The following KCNIP4 variants were observed in gnomAD, a reference collection of about 807,000 sequenced individuals.
KCNIP4 encodes the protein potassium voltage-gated channel interacting protein 4.
A neutral mutation model predicts 34.0 loss-of-function variants in KCNIP4; 12 were observed. That is an observed-to-expected ratio of 0.35 (90% CI 0.23 to 0.57). The LOEUF is 0.57. Among genes scored for constraint, KCNIP4 ranks in the 20% least tolerant of loss-of-function variants. The pLI is 0.83. For synonymous variants in KCNIP4, 124 were observed against 102.2 expected, an observed-to-expected ratio of 1.21 and a Z score of -1.29; for missense variants, 238 against 311.7, an observed-to-expected ratio of 0.76 and a Z score of 1.78.
intron 1 of KCNIP4, among the ~76,000 whole-genome samples, chr4:21,529,296 G>A (rs1480405964): frequency 6.6e-6 from 1 of 152,102 alleles, no homozygotes; most frequent in Non-Finnish European, 1.5e-5. Context: ...TGCAGAAGAG[G>A]AGAAAGGGTG....
Position 21,405,593 on chromosome 4 carries a change from T to C in KCNIP4, c.62-522884A>G, listed in dbSNP as rs528609627. 2.6e-5 allele frequency among the ~76,000 whole-genome samples: 4 copies of C among 152,318 alleles called. No homozygotes were observed. In the South Asian group the frequency reaches 8.3e-4, roughly 32 times the overall value. ...CTAGTTCAGCAACTTGCTTTTCCTCTGTATGCTTCCTGAGAAGTCAAAGAA... is the reference window on the plus strand; with the variant it reads ...CTAGTTCAGCAACTTGCTTTTCCTCCGTATGCTTCCTGAGAAGTCAAAGAA... On this transcript the variant is annotated intron_variant, in intron 1 of 8. Coordinates refer to ENST00000382152, the MANE Select transcript of KCNIP4 (RefSeq NM_025221.6).
chr4:21,427,314 T>TA (rs5856634), intron 1 of KCNIP4, among the ~76,000 whole-genome samples: 2,522 of 144,528 alleles, frequency 0.017, 23 homozygotes, highest in Non-Finnish European at 0.024. Flanking sequence ...AATAAATATG[T>TA]AAAAAAAAAA....
intron 6 of KCNIP4, among the ~76,000 whole-genome samples, chr4:20,733,264 C>A (rs1351524886): frequency 6.6e-6 from 1 of 151,992 alleles, no homozygotes; most frequent in Non-Finnish European, 1.5e-5. Context: ...TGTATTTTTC[C>A]TACTGTGGCT....
chr4:21,236,731 C>T (rs112937242), intron 1 of KCNIP4, among the ~76,000 whole-genome samples: 8 of 151,686 alleles, frequency 5.3e-5, no homozygotes, highest in African/African-American at 1.5e-4. Context: ...ACATTCAGGC[C>T]GGGCGCGGTG....
chr4:20,972,416 T>A (rs771827402), intron 1 of KCNIP4, among the ~76,000 whole-genome samples: 4 of 152,194 alleles, frequency 2.6e-5, no homozygotes, highest in Non-Finnish European at 5.9e-5. Flanking sequence ...GAATGGATGT[T>A]GTGTTCAGAG....
chr4:21,363,556 AC>A (rs1719437211), intron 1 of KCNIP4, among the ~76,000 whole-genome samples: 1 of 152,192 alleles, frequency 6.6e-6, no homozygotes, highest in South Asian at 2.1e-4. Context: ...CTTACAAACT[AC>A]ATAGCTCTTT....
chr4:20,989,270 C>T lies in KCNIP4; in HGVS notation c.62-106561G>A, dbSNP rs187325390. Among the ~76,000 whole-genome samples, 141 of 152,130 alleles carry T rather than the reference C, an allele frequency of 9.3e-4. No homozygotes were observed. In the Middle Eastern group the frequency reaches 0.02, roughly 22 times the overall value. On this transcript the variant is annotated intron_variant, in intron 1 of 8. Coordinates refer to ENST00000382152, the MANE Select transcript of KCNIP4 (RefSeq NM_025221.6). Reference sequence around the variant, plus strand: ...GGAACAGAGAAAGTTTTTTTCACCCCTACATCCATATTCATACAATCTTTT... The same window carrying T: ...GGAACAGAGAAAGTTTTTTTCACCCTTACATCCATATTCATACAATCTTTT...
At chr4:21,631,736 C>G (rs1745780824) in intron 1 of KCNIP4, among the ~76,000 whole-genome samples, 1 of 152,162 alleles carries the variant, frequency 6.6e-6, no homozygotes, top group Non-Finnish European at 1.5e-5. Flanking sequence ...GGCATCTATG[C>G]TTTATTTAGA....
At chr4:21,925,902 T>A (rs1233852869) in intron 1 of KCNIP4, among the ~76,000 whole-genome samples, 1 of 152,144 alleles carries the variant, frequency 6.6e-6, no homozygotes, top group African/African-American at 2.4e-5. Flanking sequence ...CTGGAAGACC[T>A]AGGTTGGAGC....
chr4:21,650,784 T>C (rs1199605440), intron 1 of KCNIP4, among the ~76,000 whole-genome samples: 1 of 152,216 alleles, frequency 6.6e-6, no homozygotes, highest in Non-Finnish European at 1.5e-5. Context: ...AGGTCAAAGT[T>C]ATGATGTCAG....
Position 21,731,136 on chromosome 4 carries a change from T to C in KCNIP4, c.61+217435A>G, listed in dbSNP as rs1476344265. 2.0e-5 allele frequency among the ~76,000 whole-genome samples: 3 copies of C among 148,620 alleles called. No individual in the cohort carries two copies. The East Asian group carries it at 5.8e-4, about 29-fold the overall frequency. Reference sequence around the variant, plus strand: ...TCTCAAAAAAAAAAAAAAAATCCATTGTGACAATAGACATTAGCCTTATGA... The same window carrying C: ...TCTCAAAAAAAAAAAAAAAATCCATCGTGACAATAGACATTAGCCTTATGA... On this transcript the variant is annotated intron_variant, in intron 1 of 8. Transcript: ENST00000382152.
At chr4:20,868,522 A>AAAAGACAC (rs1723095939) in intron 2 of KCNIP4, among the ~76,000 whole-genome samples, 1 of 152,092 alleles carries the variant, frequency 6.6e-6, no homozygotes, top group South Asian at 2.1e-4. Flanking sequence ...AATTCTACCA[A>AAAAGACAC]AAAGACACAT....
chr4:20,998,619 A>C (rs1415481740), intron 1 of KCNIP4, among the ~76,000 whole-genome samples: 1 of 152,242 alleles, frequency 6.6e-6, no homozygotes, highest in East Asian at 1.9e-4. Context: ...CAAGTCTGAA[A>C]GAGTGAAGGG....
At chr4:21,356,016 G>A (rs184154652) in intron 1 of KCNIP4, among the ~76,000 whole-genome samples, 4 of 152,182 alleles carry the variant, frequency 2.6e-5, no homozygotes, top group East Asian at 1.9e-4. Flanking sequence ...ATCAATAAAC[G>A]TAATCCATCA....
intron 1 of KCNIP4, among the ~76,000 whole-genome samples, chr4:21,198,777 G>A (rs761203838): frequency 6.6e-6 from 1 of 152,108 alleles, no homozygotes; most frequent in African/African-American, 2.4e-5. Flanking sequence ...GAGGGGATGA[G>A]GTGCTTCTTC....
At chr4:21,864,054 T>G (rs13129384) in intron 1 of KCNIP4, among the ~76,000 whole-genome samples, 2 of 152,238 alleles carry the variant, frequency 1.3e-5, no homozygotes, top group Non-Finnish European at 2.9e-5. Flanking sequence ...GAAACTCTGA[T>G]GAATAGTGAC....
At chr4:21,070,934 C>G (rs1375291537) in intron 1 of KCNIP4, among the ~76,000 whole-genome samples, 8 of 152,014 alleles carry the variant, frequency 5.3e-5, no homozygotes, top group African/African-American at 1.9e-4. Context: ...CTCGGCTTCC[C>G]AAAGTGCTGG....
chr4:21,686,072 C>A (rs535133540), intron 1 of KCNIP4, among the ~76,000 whole-genome samples: 1 of 152,248 alleles, frequency 6.6e-6, no homozygotes, highest in South Asian at 2.1e-4. Flanking sequence ...TTAGGAAATT[C>A]TTTTTGTATC....
intron 1 of KCNIP4, among the ~76,000 whole-genome samples, chr4:21,921,691 A>C (rs546822916): frequency 5.3e-5 from 8 of 152,096 alleles, no homozygotes; most frequent in African/African-American, 1.9e-4. Context: ...AAGTCTGCTT[A>C]CTCTACCTGC....
Sources: gnomAD v4.1 joint callset for allele counts (sites outside exome capture counted in the v4.1 genomes callset) on GRCh38, gnomAD v4.1.1 for gene constraint, MANE v1.5 for transcripts, NCBI Gene and HGNC (gene_info 2026-07-23, HGNC 2026-07-21) for gene names.